ARHGAP10: variants seen among roughly 807,000 people sequenced by gnomAD.
ARHGAP10 encodes the protein rho GTPase-activating protein 10.
In ARHGAP10, 87 loss-of-function variants were observed where a neutral mutation model predicts 108.6. The ratio of observed to expected loss-of-function variants is 0.80; its 90% CI spans 0.67 to 0.96. The LOEUF is 0.96. Among genes scored for constraint, ARHGAP10 ranks in the 40% least tolerant of loss-of-function variants. The pLI is 0.00. For synonymous variants in ARHGAP10, 347 were observed against 341.1 expected (o/e 1.02, Z -0.19); for missense variants, 939 against 954.5 (o/e 0.98, Z 0.21).
At chr4:148,067,007 C>T (rs529783391) in intron 22 of ARHGAP10, among the ~76,000 whole-genome samples, 3 of 152,276 alleles carry the variant, frequency 2.0e-5, no homozygotes, top group East Asian at 1.9e-4. Context: ...ACTTTGCTGG[C>T]TGGGGCACCC....
chr4:147,786,965 C>T (rs112041240), intron 1 of ARHGAP10, among the ~76,000 whole-genome samples: 1 of 152,198 alleles, frequency 6.6e-6, no homozygotes, highest in Non-Finnish European at 1.5e-5. Context: ...CTTTTCATTT[C>T]TTATCTCCAC....
At chr4:147,796,805 G>A (rs1248115717) in intron 1 of ARHGAP10, among the ~76,000 whole-genome samples, 2 of 152,172 alleles carry the variant, frequency 1.3e-5, no homozygotes, top group African/African-American at 2.4e-5. Context: ...GATTACAGGC[G>A]TGAGCCACTG....
intron 18 of ARHGAP10, among the ~76,000 whole-genome samples, chr4:148,009,541 C>A (rs1741092470): frequency 6.6e-6 from 1 of 152,154 alleles, no homozygotes; most frequent in South Asian, 2.1e-4. Flanking sequence ...AATGTGTTAA[C>A]AATTTTAAAG....
At position 147,732,351 on chromosome 4, in the gene ARHGAP10, G is replaced by C; in HGVS notation, c.50G>C (p.Trp17Ser). The stretch of plus-strand genomic sequence containing the variant: ...AGCGACTGCTACCTCGACAGCCCGT[G>C]GTTCCGGGAGAGGATCCGCGCTCAC... ...EFSDCYLDSP[W>S]FRERIRAHEA... The change falls in exon 1 of 23, where the codon TGG becomes TCG. Residue 17 changes from tryptophan (W) to serine (S), a missense_variant. Physicochemically the swap from Trp to Ser is radical, Grantham distance 177 (BLOSUM62 -3). Coordinates refer to ENST00000336498, the MANE Select transcript of ARHGAP10 (RefSeq NM_024605.4). 1.2e-6 allele frequency: 2 copies of C among 1,613,462 alleles called. No individual in the cohort carries two copies. Among genetic ancestry groups the C allele is most frequent in the Non-Finnish European group, 1.7e-6 (2 of 1,179,636 alleles).
intron 12 of ARHGAP10, 78 bp from the exon 13 acceptor site, chr4:147,912,996 A>C (rs1299955441): frequency 1.5e-6 from 2 of 1,372,524 alleles, no homozygotes; most frequent in African/African-American, 2.9e-5. Flanking sequence ...GATTTAAATA[A>C]TTTTTCCTAT....
chr4:147,881,514 T>TGTAA (rs553695548), intron 9 of ARHGAP10, among the ~76,000 whole-genome samples: 9 of 151,950 alleles, frequency 5.9e-5, no homozygotes, highest in Non-Finnish European at 1.3e-4. Context: ...GGTGCATGCC[T>TGTAA]GTAATCCCAG....
intron 1 of ARHGAP10, among the ~76,000 whole-genome samples, chr4:147,743,214 T>C (rs926871203): frequency 1.3e-5 from 2 of 151,856 alleles, no homozygotes; most frequent in Admixed American, 1.3e-4. Flanking sequence ...TGTGTATTTT[T>C]AGTGGAGATG....
At chr4:147,940,178 G>A (rs951776490) in intron 14 of ARHGAP10, among the ~76,000 whole-genome samples, 1 of 152,156 alleles carries the variant, frequency 6.6e-6, no homozygotes, top group Non-Finnish European at 1.5e-5. Flanking sequence ...TGGCAGTCAG[G>A]CCTCTATGAT....
At chr4:147,744,370 G>C (rs935785597) in intron 1 of ARHGAP10, among the ~76,000 whole-genome samples, 1 of 151,854 alleles carries the variant, frequency 6.6e-6, no homozygotes, top group Non-Finnish European at 1.5e-5. Flanking sequence ...GGATAAGAAT[G>C]GTGCTGTCGA....
At chr4:148,049,252 C>G (rs35527038) in intron 20 of ARHGAP10, among the ~76,000 whole-genome samples, 6 of 151,896 alleles carry the variant, frequency 4.0e-5, no homozygotes, top group Non-Finnish European at 8.8e-5. Flanking sequence ...TCTGTAGGTC[C>G]GAGAAGGGTC....
intron 18 of ARHGAP10, among the ~76,000 whole-genome samples, chr4:147,991,169 A>G (rs1229239188): frequency 6.6e-6 from 1 of 151,614 alleles, no homozygotes; most frequent in Admixed American, 6.6e-5. Flanking sequence ...AATAAATAAA[A>G]GAAAACAAAT....
At chr4:147,735,715 G>T (rs984859459) in intron 1 of ARHGAP10, among the ~76,000 whole-genome samples, 3 of 152,184 alleles carry the variant, frequency 2.0e-5, no homozygotes, top group Non-Finnish European at 2.9e-5. Flanking sequence ...AGCGCTAGGG[G>T]TGGGGAGGAA....
At chr4:147,995,143 T>C (rs905726695) in intron 18 of ARHGAP10, among the ~76,000 whole-genome samples, 1 of 152,238 alleles carries the variant, frequency 6.6e-6, no homozygotes, top group Non-Finnish European at 1.5e-5. Context: ...TCCAAACTGT[T>C]ATAAATTGTT....
chr4:147,759,642 C>T (rs994221944), intron 1 of ARHGAP10, among the ~76,000 whole-genome samples: 5 of 146,992 alleles, frequency 3.4e-5, no homozygotes, highest in Non-Finnish European at 7.5e-5. Flanking sequence ...CTTAATCTGG[C>T]GTATCCAAAA....
chr4:147,763,227 G>C (rs987484547), intron 1 of ARHGAP10, among the ~76,000 whole-genome samples: 1 of 151,806 alleles, frequency 6.6e-6, no homozygotes, highest in Non-Finnish European at 1.5e-5. Context: ...TGTAAGTTTA[G>C]CTATTGTTAA....
intron 3 of ARHGAP10, among the ~76,000 whole-genome samples, chr4:147,830,512 CTTTTTTTTTT>C (rs56946602): frequency 1.5e-4 from 15 of 102,266 alleles, no homozygotes; most frequent in African/African-American, 2.8e-4. Context: ...ACCACAATTC[CTTTTTTTTTT>C]TTTTTTTTTT....
intron 10 of ARHGAP10, among the ~76,000 whole-genome samples, chr4:147,883,168 T>C (rs1325438778): frequency 6.6e-6 from 1 of 152,222 alleles, no homozygotes; most frequent in Admixed American, 6.5e-5. Context: ...AGTTTGGCAC[T>C]ACTGTGAAAA....
chr4:147,870,044 GT>G (rs1320957258), intron 7 of ARHGAP10, among the ~76,000 whole-genome samples: 7 of 145,870 alleles, frequency 4.8e-5, no homozygotes, highest in South Asian at 2.2e-4. Flanking sequence ...GTGTGTGTGT[GT>G]TTCATTTATT....
At chr4:148,005,587 T>A (rs1740913539) in intron 18 of ARHGAP10, among the ~76,000 whole-genome samples, 1 of 152,258 alleles carries the variant, frequency 6.6e-6, no homozygotes, top group South Asian at 2.1e-4. Context: ...TCTAGTTCTG[T>A]ATCTCAGAGT....
Sources: allele counts gnomAD v4.1 joint callset (sites outside exome capture counted in the v4.1 genomes callset), GRCh38; gene constraint gnomAD v4.1.1; transcripts MANE v1.5; gene names NCBI Gene and HGNC (gene_info 2026-07-23, HGNC 2026-07-21).